UQCRC2: variants seen among roughly 807,000 people sequenced by gnomAD.
The protein encoded by UQCRC2 is ubiquinol-cytochrome c reductase core protein 2.
A neutral mutation model predicts 55.6 loss-of-function variants in UQCRC2; 49 were observed. That is an observed-to-expected ratio of 0.88 (90% CI 0.70 to 1.12). The LOEUF is 1.12. Among genes scored for constraint, UQCRC2 ranks in the 50% most tolerant of loss-of-function variants. UQCRC2 has a pLI of 0.00. For missense variants in UQCRC2, 506 were observed against 547.8 expected (o/e 0.92, Z 0.76); for synonymous variants, 193 against 192.0 (o/e 1.01, Z -0.04).
At chr16:21,962,020 G>A (rs138427120) in intron 4 of UQCRC2, among the ~76,000 whole-genome samples, 37 of 152,002 alleles carry the variant, frequency 2.4e-4, no homozygotes, top group African/African-American at 8.0e-4. Context: ...ATTCAGCTCC[G>A]GAACTTTTCT....
Position 21,976,159 on chromosome 16 carries a change from T to C in UQCRC2, c.1048-8T>C, listed in dbSNP as rs746259377. Reference sequence around the variant, plus strand: ...CCACAGATGACCAACTTTTCTTATCTGTCCTAGGTTATCAAGGCTGCCTAT... The same window carrying C: ...CCACAGATGACCAACTTTTCTTATCCGTCCTAGGTTATCAAGGCTGCCTAT... On this transcript the variant is annotated splice_region_variant and splice_polypyrimidine_tract_variant and intron_variant, in intron 11 of 13. Transcript: ENST00000268379. The C allele has an allele frequency of 2.5e-6, 4 of 1,612,470 alleles. No homozygotes were observed. In the South Asian group the frequency reaches 3.3e-5, roughly 13 times the overall value.
At chr16:21,957,340 G>C (rs779510010) in intron 2 of UQCRC2, 22 bp downstream of exon 2, 2 of 1,613,776 alleles carry the variant, frequency 1.2e-6, no homozygotes, top group Non-Finnish European at 1.7e-6. Flanking sequence ...TAACTTGCTC[G>C]CTGGAAGCTA....
chr16:21,963,469 T>A (rs1898252394), intron 6 of UQCRC2, among the ~76,000 whole-genome samples: 1 of 151,968 alleles, frequency 6.6e-6, no homozygotes, highest in Admixed American at 6.5e-5. Flanking sequence ...TGTTTTTGTT[T>A]GTTTGTTTGT....
intron 4 of UQCRC2, among the ~76,000 whole-genome samples, chr16:21,960,553 C>A (rs1898176325): frequency 6.6e-6 from 1 of 152,192 alleles, no homozygotes; most frequent in Non-Finnish European, 1.5e-5. Flanking sequence ...TCTTCAAGAA[C>A]TGCACTGGTG....
At chr16:21,969,335 A>T (rs1481624132) in intron 8 of UQCRC2, among the ~76,000 whole-genome samples, 1 of 152,160 alleles carries the variant, frequency 6.6e-6, no homozygotes, top group Non-Finnish European at 1.5e-5. Context: ...GGAGTTCAAG[A>T]CCAGCCTAGC....
At chr16:21,965,168 A>C (rs143009632) in intron 6 of UQCRC2, among the ~76,000 whole-genome samples, 1 of 152,364 alleles carries the variant, frequency 6.6e-6, no homozygotes, top group Non-Finnish European at 1.5e-5. Context: ...AAAGTGGTTT[A>C]GGTGGACTCC....
intron 10 of UQCRC2, among the ~76,000 whole-genome samples, chr16:21,972,720 A>G (rs1019884729): frequency 1.3e-5 from 2 of 152,138 alleles, no homozygotes; most frequent in Admixed American, 6.5e-5. Context: ...TCCTAATCCA[A>G]TGAAGTAATT....
In UQCRC2 at chr16:21,976,148, C is replaced by A. The variant is rs749313474; in HGVS notation, c.1048-19C>A. The A allele has an allele frequency of 2.1e-5, 34 of 1,607,316 alleles. No individual in the cohort carries two copies. In the East Asian group the frequency reaches 7.6e-4, roughly 36 times the overall value. On this transcript the variant is annotated intron_variant, in intron 11 of 13. Coordinates refer to ENST00000268379, the MANE Select transcript of UQCRC2 (RefSeq NM_003366.4). ...TCTGGTACTGACCACAGATGACCAA[C>A]TTTTCTTATCTGTCCTAGGTTATCA...
intron 13 of UQCRC2, among the ~76,000 whole-genome samples, chr16:21,980,933 A>T (rs573377027): frequency 3.3e-5 from 5 of 152,244 alleles, no homozygotes; most frequent in Non-Finnish European, 5.9e-5. Flanking sequence ...TTAAACTGTG[A>T]TGTCAGTAAG....
chr16:21,966,850 G>A (rs1310437268), intron 7 of UQCRC2, among the ~76,000 whole-genome samples: 2 of 152,072 alleles, frequency 1.3e-5, no homozygotes, highest in Non-Finnish European at 1.5e-5. Context: ...TTATAATTGT[G>A]AAAAATTAGA....
intron 9 of UQCRC2, 123 bp from the exon 10 acceptor site, chr16:21,971,800 G>T: frequency 7.0e-7 from 1 of 1,421,688 alleles, no homozygotes; most frequent in East Asian, 2.3e-5. Context: ...GGATGGCATG[G>T]GGAAAGCACC....
At position 21,971,627 on chromosome 16, in the gene UQCRC2, A is replaced by G; in HGVS notation, c.766+7A>G. 1 of 1,612,714 alleles carries G rather than the reference A, an allele frequency of 6.2e-7. No homozygotes were observed. The highest frequency in any genetic ancestry group is 8.5e-7 in the Non-Finnish European group (1 of 1,179,182). ...AAGGCCAACTACCGTGGAGGTAAGC[A>G]TTTCATTCTATTAGGGTTAATTTAT... is the stretch of plus-strand genomic sequence containing the variant. On this transcript the variant is annotated splice_region_variant and intron_variant, in intron 9 of 13. Coordinates refer to ENST00000268379, the MANE Select transcript of UQCRC2 (RefSeq NM_003366.4).
chr16:21,961,845 G>T (rs1418080361), intron 4 of UQCRC2, among the ~76,000 whole-genome samples: 2 of 151,022 alleles, frequency 1.3e-5, no homozygotes, highest in African/African-American at 2.4e-5. Flanking sequence ...AGAGACCATG[G>T]TTTCACCCTG....
At chr16:21,977,753 A>G (rs889662797) in intron 12 of UQCRC2, among the ~76,000 whole-genome samples, 3 of 152,246 alleles carry the variant, frequency 2.0e-5, no homozygotes, top group Non-Finnish European at 4.4e-5. Flanking sequence ...CGTTATGATC[A>G]TTTAGTATTG....
intron 1 of UQCRC2, 71 bp from the exon 2 acceptor site, chr16:21,957,164 A>G (rs1026189102): frequency 8.7e-6 from 13 of 1,500,852 alleles, no homozygotes; most frequent in Middle Eastern, 2.3e-4. Flanking sequence ...TGGGTACCCT[A>G]AGATACCATG....
intron 1 of UQCRC2, among the ~76,000 whole-genome samples, 166 bp downstream of exon 1, chr16:21,953,622 C>T (rs907698807): frequency 1.3e-5 from 2 of 152,090 alleles, no homozygotes; most frequent in African/African-American, 4.8e-5. Context: ...CTTTGGAGGC[C>T]CAGCTCATGC....
At chr16:21,980,729 CA>C in intron 13 of UQCRC2, 29 bp downstream of exon 13, 1 of 1,610,826 alleles carries the variant, frequency 6.2e-7, no homozygotes, top group Non-Finnish European at 8.5e-7. Context: ...AACGATTTAA[CA>C]ACAGAGAACT....
chr16:21,967,007 G>T lies in UQCRC2; in HGVS notation c.612+1502G>T, dbSNP rs926643917. Among the ~76,000 whole-genome samples, 17 of 152,096 alleles carry T rather than the reference G, an allele frequency of 1.1e-4. No homozygotes were observed. The South Asian group carries it at 1.2e-3, about 11-fold the overall frequency. ...TTTATGGATTAGGACATACCAAAAGGTCCCTTTTTTTTAATAAAAGGTATG... is the reference window on the plus strand; with the variant it reads ...TTTATGGATTAGGACATACCAAAAGTTCCCTTTTTTTTAATAAAAGGTATG... On this transcript the variant is annotated intron_variant, in intron 7 of 13. Transcript: ENST00000268379.
Position 21,965,907 on chromosome 16 carries a change from C to T in UQCRC2, c.612+402C>T, listed in dbSNP as rs1005651973. 1.3e-5 allele frequency among the ~76,000 whole-genome samples: 2 copies of T among 152,196 alleles called. 1 individual carries two copies. The highest frequency in any genetic ancestry group is 4.1e-4 in the South Asian group (2 of 4,828). On this transcript the variant is annotated intron_variant, in intron 7 of 13. Transcript: ENST00000268379. ...CTGTGTTGCCTAGGCTGGTCTTGAA[C>T]TCTTAAGCTCAAGCAGTCCTTCTGC... is the stretch of plus-strand genomic sequence containing the variant.
Sources: gnomAD v4.1 joint callset for allele counts (sites outside exome capture counted in the v4.1 genomes callset) on GRCh38, gnomAD v4.1.1 for gene constraint, MANE v1.5 for transcripts, NCBI Gene and HGNC (gene_info 2026-07-23, HGNC 2026-07-21) for gene names.